Variants in MAML1 observed in about 807,000 individuals in gnomAD.
MAML1 encodes the protein mastermind like transcriptional coactivator 1, also known as mastermind-like protein 1.
In MAML1, 14 loss-of-function variants were observed where a neutral mutation model predicts 77.1. The ratio of observed to expected loss-of-function variants is 0.18; its 90% CI spans 0.12 to 0.28. The LOEUF is 0.28. Ranked by LOEUF, MAML1 falls within the 10% of genes least tolerant of loss-of-function variation. MAML1 has a pLI of 1.00. For missense variants in MAML1, 1,217 were observed against 1,327.8 expected, an observed-to-expected ratio of 0.92 and a Z score of 1.30; for synonymous variants, 516 against 551.9, an observed-to-expected ratio of 0.93 and a Z score of 0.91.
intron 1 of MAML1, among the ~76,000 whole-genome samples, chr5:179,744,474 C>G (rs1404929681): frequency 2.0e-5 from 3 of 152,090 alleles, no homozygotes; most frequent in Non-Finnish European, 4.4e-5. Context: ...GCGTGAGCCA[C>G]CACACCTGGC....
rs1756065505 is a variant in MAML1, at chr5:179,773,925, C to A, written c.2099C>A (p.Thr700Asn). The change falls in exon 5 of 5, where the codon ACC (threonine) becomes AAC (asparagine). Residue 700 changes from threonine to asparagine, a missense_variant. Transcript: ENST00000292599. ...GSSAAVPGMNTLGPSNSSCPR... is the reference protein window; with the variant it reads ...GSSAAVPGMNNLGPSNSSCPR... ...TCTGCTGCCGTGCCCGGCATGAACA[C>A]CTTGGGTCCATCCAACTCCAGCTGT... is the stretch of plus-strand genomic sequence containing the variant. 13 of 1,614,068 alleles carry A rather than the reference C, an allele frequency of 8.1e-6. No homozygotes were observed. The highest frequency in any genetic ancestry group is 1.1e-5 in the Non-Finnish European group (13 of 1,180,014).
intron 1 of MAML1, among the ~76,000 whole-genome samples, chr5:179,759,872 T>G (rs1779693881): frequency 6.6e-6 from 1 of 152,194 alleles, no homozygotes; most frequent in Non-Finnish European, 1.5e-5. Flanking sequence ...ATATGTGTGT[T>G]AATGAATGGA....
At chr5:179,753,222 T>TGTGTGTGTGCGCGC (rs1491538366) in intron 1 of MAML1, among the ~76,000 whole-genome samples, 1 of 31,446 alleles carries the variant, frequency 3.2e-5, no homozygotes, top group African/African-American at 6.3e-5. Flanking sequence ...TGTGTGTGTG[T>TGTGTGTGTGCGCGC]GCGCGCGCGC....
At chr5:179,764,699 T>G (rs1254443619) in intron 1 of MAML1, among the ~76,000 whole-genome samples, 1 of 148,574 alleles carries the variant, frequency 6.7e-6, no homozygotes, top group Non-Finnish European at 1.5e-5. Flanking sequence ...CAGTGGCTCA[T>G]GCCTGTAATC....
intron 1 of MAML1, among the ~76,000 whole-genome samples, chr5:179,764,378 C>T (rs879848477): frequency 1.3e-5 from 2 of 151,954 alleles, no homozygotes; most frequent in Admixed American, 6.6e-5. Context: ...AGTGAGGGGC[C>T]GGCCGGGCGC....
At position 179,776,246 on chromosome 5, in the gene MAML1, G is replaced by T; in HGVS notation, c.*1369G>T. 1.0e-6 allele frequency: 1 copy of T among 985,902 alleles called. No individual in the cohort carries two copies. The highest frequency in any genetic ancestry group is 1.2e-6 in the Non-Finnish European group (1 of 829,966). The allele number at this position is 985,902 out of a possible 1,614,324, so 61.1% of individuals were successfully genotyped here. A position where few individuals can be genotyped will look rare whatever the true frequency, so the allele number is the denominator to read the frequency against. On this transcript the variant is annotated 3_prime_UTR_variant, in exon 5 of 5. Transcript: ENST00000292599. ...TGGCTCAGATGCAGAGTGTTCTGTG[G>T]AGAAACTGCAGCCCCACTTCTGTTT...
At chr5:179,763,842 T>C (rs534470871) in intron 1 of MAML1, among the ~76,000 whole-genome samples, 4 of 150,890 alleles carry the variant, frequency 2.7e-5, no homozygotes, top group African/African-American at 9.8e-5. Flanking sequence ...ATGAGGGCTG[T>C]TACTTGGAAC....
intron 1 of MAML1, among the ~76,000 whole-genome samples, chr5:179,741,185 A>ACCCC (rs1779277595): frequency 6.6e-6 from 1 of 152,146 alleles, no homozygotes; most frequent in South Asian, 2.1e-4. Flanking sequence ...CTTTTCCACA[A>ACCCC]TTCCCAGCGT....
Position 179,777,106 on chromosome 5 carries a change from G to A in MAML1, c.*2229G>A, listed in dbSNP as rs1265757415. ...TATATGTGTGTTTTGGGGGAGCTAT[G>A]ATAAGTTTTATGGCAAACGGTTGGT... On this transcript the variant is annotated 3_prime_UTR_variant, in exon 5 of 5. Transcript: ENST00000292599. 1.0e-6 allele frequency: 1 copy of A among 985,560 alleles called. No individual in the cohort carries two copies. Among genetic ancestry groups the A allele is most frequent in the Non-Finnish European group, 1.2e-6 (1 of 829,790 alleles). The allele number at this position is 985,560 out of a possible 1,614,324, so 61.1% of individuals were successfully genotyped here. A position where few individuals can be genotyped will look rare whatever the true frequency, so the allele number is the denominator to read the frequency against.
chr5:179,763,497 A>G (rs1779758498), intron 1 of MAML1, among the ~76,000 whole-genome samples: 1 of 150,460 alleles, frequency 6.6e-6, no homozygotes, highest in Non-Finnish European at 1.5e-5. Context: ...CCATATATGG[A>G]TTTTTAAAAA....
chr5:179,774,079 G>T lies in MAML1; in HGVS notation c.2253G>T (p.Met751Ile), dbSNP rs760584737. Residue 751 changes from methionine (M) to isoleucine (I), a missense_variant, in exon 5 of 5, where the codon ATG (methionine) becomes ATT (isoleucine). By Grantham distance (10) the Met-to-Ile change is conservative. Around this residue, in one of 3 missense-constraint regions of MAML1, gnomAD observed 884 missense variants for 949.3 expected, o/e 0.93. Coordinates refer to ENST00000292599, the MANE Select transcript of MAML1 (RefSeq NM_014757.5). ...GVAQFPGSQN[M>I]PQSSLYGMAS... ...CTCAGTTCCCTGGCTCCCAAAACAT[G>T]CCTCAGAGCAGCCTCTATGGCATGG... is the stretch of plus-strand genomic sequence containing the variant. 3.1e-6 allele frequency: 5 copies of T among 1,614,024 alleles called. No homozygotes were observed. The South Asian group carries it at 5.5e-5, about 18-fold the overall frequency.
rs756773982 is a variant in MAML1 at position 179,766,236 on chromosome 5, A to G, written c.1226A>G (p.Glu409Gly). 5.0e-6 allele frequency: 8 copies of G among 1,613,798 alleles called. No homozygotes were observed. The highest frequency in any genetic ancestry group is 6.8e-6 in the Non-Finnish European group (8 of 1,179,904). Reference sequence around the variant, plus strand: ...CAGATCGCTGCCAAGCAGAAGCGCGAGCAGATGCTCCAGAACCCACAGCAG... The same window carrying G: ...CAGATCGCTGCCAAGCAGAAGCGCGGGCAGATGCTCCAGAACCCACAGCAG... ...LQQIAAKQKREQMLQNPQQAT... is the reference protein window; with the variant it reads ...LQQIAAKQKRGQMLQNPQQAT... Residue 409 changes from glutamate to glycine, a missense_variant, in exon 2 of 5, where the codon GAG becomes GGG. Glu to Gly is a moderately conservative substitution (Grantham distance 98). Coordinates refer to ENST00000292599, the MANE Select transcript of MAML1 (RefSeq NM_014757.5). This position sits in a 1 kb window ranked among gnomAD's most constrained non-coding sequence, Gnocchi z 4.0.
Position 179,769,133 on chromosome 5 carries a change from C to CT in MAML1, c.1971+45dup. On this transcript the variant is annotated intron_variant, in intron 3 of 4. Transcript: ENST00000292599. The surrounding 1 kb of genome is among the most constrained non-coding windows in gnomAD (Gnocchi z 4.2). ...GGAAACCACCGCTTCCCACCTTTGCCTGCACCCTGCGTCACTGCTACAGTC... is the reference window on the plus strand; with the variant it reads ...GGAAACCACCGCTTCCCACCTTTGCCTTGCACCCTGCGTCACTGCTACAGTC... The CT allele has an allele frequency of 6.2e-7, 1 of 1,607,028 alleles. No individual in the cohort carries two copies. The highest frequency in any genetic ancestry group is 8.5e-7 in the Non-Finnish European group (1 of 1,175,926).
At chr5:179,770,925 AT>A (rs1443371150) in intron 3 of MAML1, 3 of 451,058 alleles carry the variant, frequency 6.7e-6, no homozygotes, top group Non-Finnish European at 1.2e-5. Context: ...CCAGCTCTCC[AT>A]TTTTTAAAAA....
At chr5:179,768,828 A>T in intron 2 of MAML1, 22 bp from the exon 3 acceptor site, 1 of 1,613,074 alleles carries the variant, frequency 6.2e-7, no homozygotes, top group Non-Finnish European at 8.5e-7. Context: ...GAGACTTCAC[A>T]GTCCCCTATC....
rs776314354 is a variant in MAML1 at position 179,774,521 on chromosome 5, G to T, written c.2695G>T (p.Val899Leu). The T allele has an allele frequency of 4.3e-6, 7 of 1,613,042 alleles. No individual in the cohort carries two copies. The highest frequency in any genetic ancestry group is 5.9e-6 in the Non-Finnish European group (7 of 1,180,026). Residue 899 changes from valine to leucine, a missense_variant, in exon 5 of 5, where the codon GTG becomes TTG. Transcript: ENST00000292599. ...PMAPMSSAAAVGSLLPPVSAQ... is the reference protein window; with the variant it reads ...PMAPMSSAAALGSLLPPVSAQ... Reference sequence around the variant, plus strand: ...GGCTCCCATGAGCTCAGCAGCTGCCGTGGGGTCCTTGCTACCCCCAGTGAG... The same window carrying T: ...GGCTCCCATGAGCTCAGCAGCTGCCTTGGGGTCCTTGCTACCCCCAGTGAG...
rs1485627342 is a variant in MAML1 at position 179,765,954 on chromosome 5, C to T, written c.944C>T (p.Pro315Leu). Residue 315 changes from proline (P) to leucine (L), a missense_variant, in exon 2 of 5, where the codon CCA becomes CTA. Physicochemically the swap from Pro to Leu is moderately conservative, Grantham distance 98. This residue lies in a region of MAML1 where 884 missense variants were observed against 949.3 expected (regional missense o/e 0.93). Transcript: ENST00000292599. ...AAFEQEQLGS[P>L]QVRAGSAGQT... The stretch of plus-strand genomic sequence containing the variant: ...TTTGAGCAAGAACAGTTAGGCTCTC[C>T]ACAAGTGAGGGCCGGGTCTGCAGGG... 1 of 1,613,976 alleles carries T rather than the reference C, an allele frequency of 6.2e-7. No homozygotes were observed. Among genetic ancestry groups the T allele is most frequent in the African/African-American group, 1.3e-5 (1 of 74,906 alleles).
intron 2 of MAML1, among the ~76,000 whole-genome samples, chr5:179,768,590 G>A (rs57463529): frequency 0.01 from 1,543 of 152,328 alleles, 37 homozygotes; most frequent in African/African-American, 0.035. Flanking sequence ...TATGCTTAAC[G>A]TAAAACCATA....
chr5:179,742,179 C>G (rs72809787), intron 1 of MAML1, among the ~76,000 whole-genome samples: 1 of 147,052 alleles, frequency 6.8e-6, no homozygotes. Context: ...GGCCAACAAA[C>G]TTAATTTGCT....
Sources: gnomAD v4.1 joint callset for allele counts (sites outside exome capture counted in the v4.1 genomes callset) on GRCh38, gnomAD v4.1.1 for gene constraint, gnomAD v4.1.1 regional missense constraint, Gnocchi (gnomAD v3.1) non-coding constraint, MANE v1.5 for transcripts, NCBI Gene and HGNC (gene_info 2026-07-23, HGNC 2026-07-21) for gene names.